Variants in CSMD1 observed in about 807,000 individuals in gnomAD.
The protein encoded by CSMD1 is CUB and Sushi multiple domains 1, also known as CUB and sushi domain-containing protein 1.
Under a neutral mutation model 417.5 loss-of-function variants are expected in CSMD1, and 213 were observed. The observed-to-expected ratio is 0.51, with a 90% confidence interval of 0.46 to 0.57. CSMD1 has a LOEUF of 0.57. Among genes scored for constraint, CSMD1 ranks in the 20% least tolerant of loss-of-function variants. The probability of loss-of-function intolerance (pLI) is 0.00; values close to 1 mark genes in which losing one functional copy is unlikely to be tolerated. For missense variants in CSMD1, 6,923 were observed against 4,529.7 expected (o/e 1.53, Z -15.17); for synonymous variants, 2,862 against 1,736.8 (o/e 1.65, Z -16.11).
rs59669026 is a variant in CSMD1 at position 3,984,704 on chromosome 8, C to CATATATAT, written c.818+13191_818+13198dup. ...TGGGTTCAGGATTCAGTGTATATATCATATATATATATATATATATATATA... is the reference window on the plus strand; with the variant it reads ...TGGGTTCAGGATTCAGTGTATATATCATATATATATATATATATATATATATATATATA... On this transcript the variant is annotated intron_variant, in intron 5 of 69. Coordinates refer to ENST00000635120, the MANE Select transcript of CSMD1 (RefSeq NM_033225.6). 7.5e-4 allele frequency among the ~76,000 whole-genome samples: 62 copies of CATATATAT among 82,836 alleles called. 4 individuals carry two copies. Among genetic ancestry groups the CATATATAT allele is most frequent in the Non-Finnish European group, 1.0e-3 (43 of 41,190 alleles). 54.3% of individuals were successfully genotyped at this position (82,836 alleles called of 152,430 possible). A position where few individuals can be genotyped will look rare whatever the true frequency, so the allele number is the denominator to read the frequency against.
chr8:3,603,000 G>A (rs755474684), intron 8 of CSMD1, among the ~76,000 whole-genome samples: 1 of 152,198 alleles, frequency 6.6e-6, no homozygotes, highest in Admixed American at 6.5e-5. Flanking sequence ...GACTGTGTAA[G>A]AGAGAGGGAG....
rs551028737 is a variant in CSMD1 at position 4,229,721 on chromosome 8, C to T, written c.415+190232G>A. Among the ~76,000 whole-genome samples, 29 of 152,186 alleles carry T rather than the reference C, an allele frequency of 1.9e-4. No homozygotes were observed. The South Asian group carries it at 3.3e-3, about 17-fold the overall frequency. ...CTCAGCCCCTTCCTCTTGCTTGACC[C>T]ACCCCATCCTCTGCCGTCCTGCTTC... is the stretch of plus-strand genomic sequence containing the variant. On this transcript the variant is annotated intron_variant, in intron 3 of 69. Transcript: ENST00000635120.
intron 1 of CSMD1, among the ~76,000 whole-genome samples, chr8:4,818,572 T>C (rs1293198396): frequency 1.3e-5 from 2 of 152,192 alleles, no homozygotes; most frequent in Non-Finnish European, 2.9e-5. Context: ...TGTGCACATA[T>C]ATTTCCCTGA....
intron 3 of CSMD1, among the ~76,000 whole-genome samples, chr8:4,220,290 G>T (rs1294909155): frequency 6.6e-6 from 1 of 152,152 alleles, no homozygotes; most frequent in Non-Finnish European, 1.5e-5. Flanking sequence ...AGGCCTTCCT[G>T]ACAAGGTTAT....
At chr8:3,644,966 G>GAAAAATA (rs1797501761) in intron 7 of CSMD1, among the ~76,000 whole-genome samples, 3 of 64,434 alleles carry the variant, frequency 4.7e-5, no homozygotes, top group Admixed American at 1.8e-4. Flanking sequence ...GGCTTTAAAT[G>GAAAAATA]AAAAAAAAAA....
chr8:4,959,066 T>G (rs1053745833), intron 1 of CSMD1, among the ~76,000 whole-genome samples: 1 of 152,214 alleles, frequency 6.6e-6, no homozygotes, highest in Non-Finnish European at 1.5e-5. Context: ...AAATGGAAGA[T>G]GATTTCATCT....
At chr8:2,966,476 AAAAAAACAGTATAACAC>A in intron 58 of CSMD1, 77 bp downstream of exon 58, 1 of 1,108,708 alleles carries the variant, frequency 9.0e-7, no homozygotes, top group Non-Finnish European at 1.3e-6. Context: ...AATTAAAAAT[AAAAAAACAGTATAACAC>A]CTTAAAGTCA....
At chr8:4,832,097 A>C (rs1032833315) in intron 1 of CSMD1, among the ~76,000 whole-genome samples, 4 of 152,120 alleles carry the variant, frequency 2.6e-5, no homozygotes, top group African/African-American at 9.7e-5. Context: ...CTCTTCGGGA[A>C]CCTTTTGTGT....
chr8:4,208,391 G>A (rs1272747126), intron 3 of CSMD1, among the ~76,000 whole-genome samples: 4 of 152,052 alleles, frequency 2.6e-5, no homozygotes, highest in Non-Finnish European at 5.9e-5. Context: ...TTGAGTTACT[G>A]GCCTATTATA....
chr8:3,926,053 T>TACACACACACACACACACACACCATACAC (rs35557551), intron 5 of CSMD1, among the ~76,000 whole-genome samples: 2 of 87,820 alleles, frequency 2.3e-5, no homozygotes, highest in East Asian at 1.2e-3. Context: ...AAACACCATA[T>TACACACACACACACACACACACCATACAC]ACACACACAC....
chr8:4,760,401 C>T (rs548729972), intron 1 of CSMD1, among the ~76,000 whole-genome samples: 10 of 152,246 alleles, frequency 6.6e-5, no homozygotes, highest in African/African-American at 2.4e-4. Context: ...AAATTCTCAG[C>T]TGACTTTATG....
chr8:3,285,138 T>G (rs1350931638), intron 25 of CSMD1, among the ~76,000 whole-genome samples: 1 of 152,126 alleles, frequency 6.6e-6, no homozygotes, highest in East Asian at 1.9e-4. Context: ...TTTTATTTCC[T>G]GCGTATTGCA....
At chr8:3,093,337 G>A (rs1054465258) in intron 47 of CSMD1, among the ~76,000 whole-genome samples, 2 of 152,060 alleles carry the variant, frequency 1.3e-5, no homozygotes, top group Non-Finnish European at 2.9e-5. Context: ...GACCCCTTCC[G>A]CTTAAAGGTT....
chr8:4,503,304 C>A (rs1450244790), intron 2 of CSMD1, among the ~76,000 whole-genome samples: 1 of 152,076 alleles, frequency 6.6e-6, no homozygotes, highest in Admixed American at 6.6e-5. Flanking sequence ...GAAGTATTTG[C>A]TGTCATTCAT....
At chr8:4,970,431 T>A (rs992169217) in intron 1 of CSMD1, among the ~76,000 whole-genome samples, 1 of 152,170 alleles carries the variant, frequency 6.6e-6, no homozygotes, top group Admixed American at 6.6e-5. Context: ...ACATAATTCA[T>A]GAAAGATGTT....
rs186405604 is a variant in CSMD1, at chr8:4,786,159, A to G, written c.86-148601T>C. Reference sequence around the variant, plus strand: ...AAATGGATTTTAACAGCCACTTATGAGCCCTGACAACCCACCTGCTCTACC... The same window carrying G: ...AAATGGATTTTAACAGCCACTTATGGGCCCTGACAACCCACCTGCTCTACC... On this transcript the variant is annotated intron_variant, in intron 1 of 69. Coordinates refer to ENST00000635120, the MANE Select transcript of CSMD1 (RefSeq NM_033225.6). Among the ~76,000 whole-genome samples the G allele has an allele frequency of 2.5e-3, 377 of 152,346 alleles. 2 individuals carry two copies. The highest frequency in any genetic ancestry group is 8.8e-3 in the African/African-American group (367 of 41,570).
intron 1 of CSMD1, among the ~76,000 whole-genome samples, chr8:4,648,885 A>G (rs1469511156): frequency 6.6e-6 from 1 of 152,184 alleles, no homozygotes; most frequent in African/African-American, 2.4e-5. Flanking sequence ...GTCACAAAGG[A>G]TAAGAGTGTG....
chr8:3,004,957 G>A (rs1362158078), intron 52 of CSMD1, among the ~76,000 whole-genome samples: 2 of 152,122 alleles, frequency 1.3e-5, no homozygotes, highest in East Asian at 3.9e-4. Context: ...TGGCCAACAT[G>A]GTGAAAGCCC....
At chr8:3,877,345 G>A (rs1024037371) in intron 5 of CSMD1, among the ~76,000 whole-genome samples, 6 of 152,182 alleles carry the variant, frequency 3.9e-5, no homozygotes, top group African/African-American at 1.4e-4. Flanking sequence ...TGATGGGGGA[G>A]GCATGTGCTC....
Sources: gnomAD v4.1 joint callset for allele counts (sites outside exome capture counted in the v4.1 genomes callset) on GRCh38, gnomAD v4.1.1 for gene constraint, MANE v1.5 for transcripts, NCBI Gene and HGNC (gene_info 2026-07-23, HGNC 2026-07-21) for gene names.